PKP1: variants seen among roughly 807,000 people sequenced by gnomAD.
PKP1 encodes the protein plakophilin 1, also known as plakophilin-1.
PKP1 carries 27 observed loss-of-function variants against 76.4 expected under a neutral mutation model. That is an observed-to-expected ratio of 0.35 (90% CI 0.26 to 0.49). The LOEUF is 0.49. Ranked by LOEUF, PKP1 falls within the 20% of genes least tolerant of loss-of-function variation. The pLI is 0.99. For missense variants in PKP1, 964 were observed against 955.2 expected (o/e 1.01, Z -0.12); for synonymous variants, 404 against 384.2 (o/e 1.05, Z -0.60).
chr1:201,300,745 G>T (rs1656204453), intron 2 of PKP1, among the ~76,000 whole-genome samples: 1 of 152,216 alleles, frequency 6.6e-6, no homozygotes, highest in Admixed American at 6.5e-5. Flanking sequence ...AGCAGCATGG[G>T]CTTGCAAAGG....
At chr1:201,314,213 G>T (rs1222955450) in intron 3 of PKP1, among the ~76,000 whole-genome samples, 1 of 152,198 alleles carries the variant, frequency 6.6e-6, no homozygotes, top group African/African-American at 2.4e-5. Flanking sequence ...AGCACTTTGG[G>T]AGGCCGAGGC....
chr1:201,291,898 G>A (rs980767973), intron 1 of PKP1, among the ~76,000 whole-genome samples: 2 of 152,236 alleles, frequency 1.3e-5, no homozygotes, highest in East Asian at 3.9e-4. Flanking sequence ...GAGTGACTGA[G>A]CCCATGAGAT....
intron 1 of PKP1, among the ~76,000 whole-genome samples, chr1:201,286,225 C>T (rs67389644): frequency 0.11 from 16,090 of 152,178 alleles, 918 homozygotes; most frequent in South Asian, 0.17. Context: ...ATGCCCCAGG[C>T]GTTTTCCCTC....
At chr1:201,325,382 C>T (rs773187993) in intron 11 of PKP1, among the ~76,000 whole-genome samples, 2 of 152,124 alleles carry the variant, frequency 1.3e-5, no homozygotes, top group Non-Finnish European at 2.9e-5. Flanking sequence ...GACTCGGGGG[C>T]ACAAGGTCCT....
At chr1:201,316,418 C>T in intron 3 of PKP1, 135 bp from the exon 4 acceptor site, 2 of 856,674 alleles carry the variant, frequency 2.3e-6, no homozygotes, top group Non-Finnish European at 3.7e-6. Flanking sequence ...TCCAAGTGGG[C>T]CTGGGCTGCC....
chr1:201,315,714 TACAG>T (rs1202858752), intron 3 of PKP1, among the ~76,000 whole-genome samples: 1 of 152,232 alleles, frequency 6.6e-6, no homozygotes, highest in African/African-American at 2.4e-5. Context: ...AAAGGTTGAC[TACAG>T]ACATTTCCTA....
intron 12 of PKP1, among the ~76,000 whole-genome samples, chr1:201,328,054 G>A (rs1657204536): frequency 6.6e-6 from 1 of 152,206 alleles, no homozygotes; most frequent in African/African-American, 2.4e-5. Flanking sequence ...TGTTCCCACA[G>A]GTCGGTGATG....
chr1:201,320,212 C>A, intron 6 of PKP1, 55 bp from the exon 7 acceptor site: 2 of 1,109,040 alleles, frequency 1.8e-6, no homozygotes, highest in Admixed American at 1.8e-5. Flanking sequence ...TCCCCACCTT[C>A]CCCGTTCTCT....
chr1:201,289,183 A>C (rs917335856), intron 1 of PKP1, among the ~76,000 whole-genome samples: 2 of 152,150 alleles, frequency 1.3e-5, no homozygotes, highest in Admixed American at 6.5e-5. Flanking sequence ...CCCACTCCGA[A>C]ACACCTCTGA....
rs1656607541 is a variant in PKP1, at chr1:201,313,052, G to A, written c.307-114G>A. 4 of 1,116,002 alleles carry A rather than the reference G, an allele frequency of 3.6e-6. No homozygotes were observed. In the African/African-American group the frequency reaches 6.2e-5, roughly 17 times the overall value. The allele number at this position is 1,116,002 out of a possible 1,614,324, so 69.1% of individuals were successfully genotyped here. A position where few individuals can be genotyped will look rare whatever the true frequency, so the allele number is the denominator to read the frequency against. ...AGGTTCCTTCCACGCCAAACATTCT[G>A]GGATTCTGTAAGCGTTATTATGGGG... is the stretch of plus-strand genomic sequence containing the variant. On this transcript the variant is annotated intron_variant, in intron 2 of 13. Coordinates refer to ENST00000367324, the MANE Select transcript of PKP1 (RefSeq NM_001005337.3).
chr1:201,289,082 TCCCAGCAG>T (rs1655824517), intron 1 of PKP1, among the ~76,000 whole-genome samples: 1 of 152,238 alleles, frequency 6.6e-6, no homozygotes, highest in Admixed American at 6.5e-5. Context: ...TCCACGGTGC[TCCCAGCAG>T]CCCAGCAGAG....
intron 2 of PKP1, among the ~76,000 whole-genome samples, chr1:201,298,983 C>G (rs138317410): frequency 5.0e-4 from 76 of 152,316 alleles, no homozygotes; most frequent in Admixed American, 9.1e-4. Context: ...AAGCACAGTG[C>G]TCCCCAGGTT....
chr1:201,290,760 A>C (rs1558182576), intron 1 of PKP1, among the ~76,000 whole-genome samples: 2 of 152,244 alleles, frequency 1.3e-5, no homozygotes, highest in Non-Finnish European at 2.9e-5. Context: ...TCAAGGTCCC[A>C]GGGAAAGAAA....
intron 7 of PKP1, among the ~76,000 whole-genome samples, chr1:201,320,804 G>C (rs903181702): frequency 1.3e-5 from 2 of 152,146 alleles, no homozygotes; most frequent in African/African-American, 2.4e-5. Context: ...CTGTGACCCC[G>C]AGCCCTGCCC....
At chr1:201,317,430 C>T (rs1022270167) in intron 4 of PKP1, 142 bp from the exon 5 acceptor site, 8 of 757,402 alleles carry the variant, frequency 1.1e-5, no homozygotes, top group Admixed American at 6.1e-5. Context: ...TGACCTCACA[C>T]TGCTTATTTA....
rs950879982 is a variant in PKP1, at chr1:201,318,669, C to A, written c.1106C>A (p.Ala369Asp). The A allele has an allele frequency of 6.2e-7, 1 of 1,612,322 alleles. No homozygotes were observed. Among genetic ancestry groups the A allele is most frequent in the Non-Finnish European group, 8.5e-7 (1 of 1,179,928 alleles). ...STDELKEELI[A>D]DALPVLADRV... Reference sequence around the variant, plus strand: ...GACGAGCTGAAGGAGGAACTCATTGCCGACGCCCTGCCTGTTCTGGCCGAC... The same window carrying A: ...GACGAGCTGAAGGAGGAACTCATTGACGACGCCCTGCCTGTTCTGGCCGAC... Residue 369 changes from alanine (A) to aspartate (D), a missense_variant, in exon 6 of 14, where the codon GCC (alanine) becomes GAC (aspartate). Transcript: ENST00000367324.
Position 201,283,617 on chromosome 1 carries a change from C to T in PKP1, c.-86C>T. Reference sequence around the variant, plus strand: ...GGAGCCGCTGAGAGCGAGAAGAGCACGCTCCTGCCCGCCCGCTGCACCGCA... The same window carrying T: ...GGAGCCGCTGAGAGCGAGAAGAGCATGCTCCTGCCCGCCCGCTGCACCGCA... On this transcript the variant is annotated 5_prime_UTR_variant, in exon 1 of 14. In the 5' UTR this introduces an upstream ATG that the reference lacks. Coordinates refer to ENST00000367324, the MANE Select transcript of PKP1 (RefSeq NM_001005337.3). 3 of 1,196,484 alleles carry T rather than the reference C, an allele frequency of 2.5e-6. No individual in the cohort carries two copies. The highest frequency in any genetic ancestry group is 3.6e-6 in the Non-Finnish European group (3 of 826,558). The allele number at this position is 1,196,484 out of a possible 1,614,324, so 74.1% of individuals were successfully genotyped here. A position where few individuals can be genotyped will look rare whatever the true frequency, so the allele number is the denominator to read the frequency against.
At chr1:201,318,577 T>G (rs746912420) in intron 5 of PKP1, 41 bp from the exon 6 acceptor site, 6 of 1,599,382 alleles carry the variant, frequency 3.8e-6, no homozygotes, top group East Asian at 2.2e-5. Flanking sequence ...TAGGGCATCC[T>G]GAGCCTGGCA....
chr1:201,294,514 A>T (rs1284913012), intron 2 of PKP1, among the ~76,000 whole-genome samples: 1 of 152,174 alleles, frequency 6.6e-6, no homozygotes, highest in Non-Finnish European at 1.5e-5. Context: ...AGCCTCCCTG[A>T]CAACCCGACA....
Sources: gnomAD v4.1 joint callset for allele counts (sites outside exome capture counted in the v4.1 genomes callset) on GRCh38, gnomAD v4.1.1 for gene constraint, MANE v1.5 for transcripts, NCBI Gene and HGNC (gene_info 2026-07-23, HGNC 2026-07-21) for gene names.